ZNF469: variants seen among roughly 807,000 people sequenced by gnomAD.
The protein encoded by ZNF469 is zinc finger protein 469.
In ZNF469, 1 loss-of-function variant was observed where a neutral mutation model predicts 1.0. The observed-to-expected ratio is 1.00, with a 90% CI of 0.35 to 4.73. The LOEUF (loss-of-function observed/expected upper bound fraction) is 4.73, where lower values mean the gene tolerates loss of function less well. Ranked by LOEUF, ZNF469 falls within the 30% of genes most tolerant of loss-of-function variation. The pLI, the probability that ZNF469 is intolerant of heterozygous loss-of-function variation, is 0.16. For missense variants in ZNF469, 6,100 were observed against 5,356.3 expected (o/e 1.14, Z -4.33); for synonymous variants, 2,703 against 2,363.4 (o/e 1.14, Z -4.17).
At chr16:88,176,151 A>T in the ZNF469 span, among the ~76,000 whole-genome samples, 12 of 151,580 alleles carry the variant, frequency 7.9e-5, no homozygotes, top group South Asian at 2.3e-3. Flanking sequence ...CCCTGCACCC[A>T]CCGAAGCTCA....
rs1906071885 is a variant in ZNF469, at chr16:88,430,461, T to C, written c.2991T>C (p.Pro997=). The change falls in exon 3 of 3, where the codon CCT becomes CCC. Residue 997 remains proline, a synonymous_variant. Coordinates refer to ENST00000565624, the MANE Select transcript of ZNF469 (RefSeq NM_001367624.2). ...GGCCCCCACCCCGTCCCCGGCGCCC[T>C]AGAACGCAGGCCCCCGGGAGCCGCG... The part of the protein sequence containing the change: ...GERPPPRPRR[P]RTQAPGSRAD... 3 of 1,477,954 alleles carry C rather than the reference T, an allele frequency of 2.0e-6. No homozygotes were observed. The allele number at this position is 1,477,954 out of a possible 1,614,324, so 91.6% of individuals were successfully genotyped here.
the ZNF469 span, among the ~76,000 whole-genome samples, chr16:88,107,399 G>C: frequency 6.6e-6 from 1 of 152,206 alleles, no homozygotes; most frequent in African/African-American, 2.4e-5. Context: ...GGTGGGAAGA[G>C]CCTCTTATAA....
At chr16:88,419,506 C>T (rs1440383988) in intron 1 of ZNF469, among the ~76,000 whole-genome samples, 1 of 152,204 alleles carries the variant, frequency 6.6e-6, no homozygotes, top group Non-Finnish European at 1.5e-5. Context: ...CAGCCCGGTC[C>T]CACCCCATGG....
the ZNF469 span, among the ~76,000 whole-genome samples, chr16:88,115,506 G>A: frequency 1.3e-5 from 2 of 151,944 alleles, no homozygotes; most frequent in Admixed American, 6.6e-5. Context: ...GTTGACCCTG[G>A]TTTATCTGGG....
the ZNF469 span, among the ~76,000 whole-genome samples, chr16:88,212,584 G>A: frequency 3.9e-3 from 592 of 150,342 alleles, 11 homozygotes; most frequent in Admixed American, 0.035. Context: ...TTTATTTATT[G>A]ACATTTATTT....
In ZNF469 at chr16:88,438,408, A is replaced by G. The variant is rs762107279; in HGVS notation, c.10938A>G (p.Lys3646=). 51 of 1,550,104 alleles carry G rather than the reference A, an allele frequency of 3.3e-5. No homozygotes were observed. In the South Asian group the frequency reaches 5.4e-4, roughly 16 times the overall value. ...TCCAGGAAGACCACCTACTTCAGAAAGAGAAGGAGGTGTCCTCAAGCCACA... is the reference window on the plus strand; with the variant it reads ...TCCAGGAAGACCACCTACTTCAGAAGGAGAAGGAGGTGTCCTCAAGCCACA... ...DHFQEDHLLQ[K]EKEVSSSHMV... is the part of the protein sequence containing the mutation. Residue 3646 remains lysine (K), a synonymous_variant, in exon 3 of 3, where the codon AAA becomes AAG. Transcript: ENST00000565624.
the ZNF469 span, among the ~76,000 whole-genome samples, chr16:88,362,967 T>G: frequency 6.6e-6 from 1 of 152,218 alleles, no homozygotes; most frequent in Non-Finnish European, 1.5e-5. Context: ...AATTTTTTTC[T>G]TTGTCATCTC....
the ZNF469 span, among the ~76,000 whole-genome samples, chr16:88,342,293 C>T: frequency 6.6e-6 from 1 of 152,040 alleles, no homozygotes; most frequent in African/African-American, 2.4e-5. Flanking sequence ...TCTCTGCCTC[C>T]CCTCCTGCCT....
At chr16:88,209,848 C>T in the ZNF469 span, among the ~76,000 whole-genome samples, 2 of 152,198 alleles carry the variant, frequency 1.3e-5, no homozygotes, top group Non-Finnish European at 2.9e-5. Flanking sequence ...TTTGCAATTA[C>T]ATGCAATGTT....
the ZNF469 span, among the ~76,000 whole-genome samples, chr16:88,281,457 C>A: frequency 6.8e-6 from 1 of 146,314 alleles, no homozygotes; most frequent in African/African-American, 2.5e-5. Flanking sequence ...TGTGCCACAC[C>A]GATGCTTGGT....
At chr16:88,363,968 C>T in the ZNF469 span, among the ~76,000 whole-genome samples, 3 of 152,220 alleles carry the variant, frequency 2.0e-5, no homozygotes, top group African/African-American at 7.2e-5. Flanking sequence ...TACTGGTGAA[C>T]CGATGATTTT....
the ZNF469 span, among the ~76,000 whole-genome samples, chr16:88,206,092 C>G: frequency 6.6e-6 from 1 of 152,176 alleles, no homozygotes; most frequent in Non-Finnish European, 1.5e-5. Context: ...GTGCTGACCC[C>G]CCGTGTTTTC....
At chr16:88,170,943 G>C in the ZNF469 span, among the ~76,000 whole-genome samples, 14 of 152,274 alleles carry the variant, frequency 9.2e-5, no homozygotes, top group Admixed American at 8.5e-4. This position sits in a 1 kb window ranked among gnomAD's most constrained non-coding sequence, Gnocchi z 4.2. Flanking sequence ...ACTTCCCCGG[G>C]CTGCCACGAA....
At chr16:88,251,536 GTCTTTTTTTTTT>G in the ZNF469 span, among the ~76,000 whole-genome samples, 719 of 78,798 alleles carry the variant, frequency 9.1e-3, 51 homozygotes, top group Non-Finnish European at 0.012. Flanking sequence ...TGTCCCTGCT[GTCTTTTTTTTTT>G]TTTTTTTTTT....
chr16:88,429,901 C>G lies in ZNF469; in HGVS notation c.2431C>G (p.Pro811Ala). The G allele has an allele frequency of 6.5e-7, 1 of 1,550,236 alleles. No homozygotes were observed. Reference sequence around the variant, plus strand: ...CGCCCAGGCCGAGGGCAAAGACGACCCCCTGAGGACAGGCTTCCTGCCCAG... The same window carrying G: ...CGCCCAGGCCGAGGGCAAAGACGACGCCCTGAGGACAGGCTTCCTGCCCAG... ...GDAQAEGKDDPLRTGFLPSLA... is the reference protein window; with the variant it reads ...GDAQAEGKDDALRTGFLPSLA... Residue 811 changes from proline to alanine, a missense_variant, in exon 3 of 3, where the codon CCC (proline) becomes GCC (alanine). Pro to Ala is a conservative substitution (Grantham distance 27). Transcript: ENST00000565624.
the ZNF469 span, among the ~76,000 whole-genome samples, chr16:88,289,285 G>GTGA: frequency 6.6e-6 from 1 of 150,476 alleles, no homozygotes; most frequent in Non-Finnish European, 1.5e-5. Flanking sequence ...GAGGGTGATG[G>GTGA]TGATGATGAT....
chr16:88,112,894 C>T, the ZNF469 span, among the ~76,000 whole-genome samples: 20 of 151,320 alleles, frequency 1.3e-4, no homozygotes, highest in African/African-American at 4.1e-4. Flanking sequence ...TCTCCTGCCT[C>T]GGCCTCCCCA....
At position 88,429,285 on chromosome 16, in the gene ZNF469, C is replaced by T; in HGVS notation, c.1815C>T (p.Cys605=). The change falls in exon 3 of 3, where the codon TGC becomes TGT. Residue 605 remains cysteine, a synonymous_variant. Transcript: ENST00000565624. ...SPATNTAGST[C]SSLSPMSSSP... ...CCACCAACACGGCCGGCAGCACCTG[C>T]TCTTCCCTGTCGCCGATGTCCAGCA... 3 of 1,549,956 alleles carry T rather than the reference C, an allele frequency of 1.9e-6. No individual in the cohort carries two copies. The highest frequency in any genetic ancestry group is 2.6e-6 in the Non-Finnish European group (3 of 1,146,864).
At chr16:88,196,538 TTCCCCTCCAGCCAC>T in the ZNF469 span, among the ~76,000 whole-genome samples, 4 of 152,174 alleles carry the variant, frequency 2.6e-5, no homozygotes, top group East Asian at 7.7e-4. Context: ...TAAAACCCAC[TTCCCCTCCAGCCAC>T]TCCATTGAGT....
Sources: gnomAD v4.1 joint callset for allele counts (sites outside exome capture counted in the v4.1 genomes callset) on GRCh38, gnomAD v4.1.1 for gene constraint, Gnocchi (gnomAD v3.1) non-coding constraint, MANE v1.5 for transcripts, NCBI Gene and HGNC (gene_info 2026-07-23, HGNC 2026-07-21) for gene names.